The following KDM4B variants were observed in gnomAD, a reference collection of about 807,000 sequenced individuals.
KDM4B encodes the protein lysine-specific demethylase 4B.
KDM4B carries 32 observed loss-of-function variants against 125.2 expected under a neutral mutation model. That is an observed-to-expected ratio of 0.26 (90% CI 0.19 to 0.34). KDM4B has a LOEUF of 0.34. Among genes scored for constraint, KDM4B ranks in the 10% least tolerant of loss-of-function variants. The pLI is 1.00. For missense variants in KDM4B, 1,190 were observed against 1,577.7 expected, an observed-to-expected ratio of 0.75 and a Z score of 4.16; for synonymous variants, 721 against 677.9, an observed-to-expected ratio of 1.06 and a Z score of -0.99.
chr19:5,017,955 T>G (rs1293539505), intron 2 of KDM4B, among the ~76,000 whole-genome samples: 1 of 152,130 alleles, frequency 6.6e-6, no homozygotes, highest in African/African-American at 2.4e-5. Flanking sequence ...TTAGCCAGGA[T>G]GGTCTCCATT....
chr19:5,039,599 ACCC>A (rs1187003502), intron 3 of KDM4B, among the ~76,000 whole-genome samples: 1 of 152,112 alleles, frequency 6.6e-6, no homozygotes, highest in African/African-American at 2.4e-5. Flanking sequence ...GGGGTGCTGT[ACCC>A]AGCTTCCCAG....
chr19:5,143,219 A>T (rs1477030440), intron 18 of KDM4B, among the ~76,000 whole-genome samples: 1 of 151,810 alleles, frequency 6.6e-6, no homozygotes, highest in African/African-American at 2.4e-5. Context: ...GCTACTCAGG[A>T]GGCTGAGGTG....
chr19:5,138,217 A>C, intron 18 of KDM4B, 147 bp downstream of exon 18: 1 of 621,432 alleles, frequency 1.6e-6, no homozygotes, highest in Non-Finnish European at 2.8e-6. Context: ...GAAGCCAGTG[A>C]TCCCGACTTC....
chr19:5,077,421 C>T lies in KDM4B; in HGVS notation c.731C>T (p.Thr244Ile). ...GACGCCTTCCTGCGGCATAAGATGA[C>T]CCTCATCTCGCCCATCATCCTGAAG... ...GCDAFLRHKM[T>I]LISPIILKKY... The change falls in exon 8 of 23, where the codon ACC becomes ATC. Residue 244 changes from threonine to isoleucine, a missense_variant. Transcript: ENST00000159111. 6.2e-7 allele frequency: 1 copy of T among 1,613,430 alleles called. No homozygotes were observed. Among genetic ancestry groups the T allele is most frequent in the Non-Finnish European group, 8.5e-7 (1 of 1,180,016 alleles).
intron 6 of KDM4B, among the ~76,000 whole-genome samples, chr19:5,066,822 C>T (rs900408180): frequency 5.9e-5 from 9 of 152,296 alleles, no homozygotes; most frequent in African/African-American, 2.2e-4. Flanking sequence ...GACTTGTGTA[C>T]AGCATTCCAG....
At chr19:5,087,150 C>A (rs1031669217) in intron 9 of KDM4B, among the ~76,000 whole-genome samples, 1 of 152,258 alleles carries the variant, frequency 6.6e-6, no homozygotes, top group Non-Finnish European at 1.5e-5. Flanking sequence ...GCCTCATTCA[C>A]TCCCCATCAG....
At position 5,114,219 on chromosome 19, in the gene KDM4B, C is replaced by T; in HGVS notation, c.1115+3401C>T. The T allele has an allele frequency of 1.6e-6, 2 of 1,289,720 alleles. No individual in the cohort carries two copies. The highest frequency in any genetic ancestry group is 2.0e-6 in the Non-Finnish European group (2 of 988,834). The allele number at this position is 1,289,720 out of a possible 1,614,324, so 79.9% of individuals were successfully genotyped here. ...GAAGCGCCATGTGCACGTGCTCCAG[C>T]AGGTACGCGCTCCCTGCAGGACATC... On this transcript the variant is annotated intron_variant, in intron 10 of 22. Transcript: ENST00000159111. The surrounding 1 kb of genome is among the most constrained non-coding windows in gnomAD (Gnocchi z 5.8).
At chr19:5,011,419 G>A (rs1016574457) in intron 1 of KDM4B, among the ~76,000 whole-genome samples, 6 of 152,220 alleles carry the variant, frequency 3.9e-5, no homozygotes, top group African/African-American at 9.6e-5. Flanking sequence ...GTGCCAGAGC[G>A]TTCATGTCGT....
intron 1 of KDM4B, among the ~76,000 whole-genome samples, chr19:5,004,052 T>G (rs1483685013): frequency 6.6e-6 from 1 of 152,220 alleles, no homozygotes; most frequent in Non-Finnish European, 1.5e-5. Context: ...CATTTCTCTG[T>G]GTACTTTGGT....
At chr19:4,974,125 G>T in intron 1 of KDM4B, among the ~76,000 whole-genome samples, 1 of 151,764 alleles carries the variant, frequency 6.6e-6, no homozygotes, top group East Asian at 1.9e-4. Flanking sequence ...GTGGCCGGGC[G>T]CAGTGGCTCA....
intron 1 of KDM4B, among the ~76,000 whole-genome samples, chr19:5,015,836 G>A (rs990278358): frequency 6.6e-6 from 1 of 152,198 alleles, no homozygotes; most frequent in Admixed American, 6.5e-5. Flanking sequence ...CGCAGCCCCT[G>A]CCCCCCTCTC....
chr19:5,048,747 G>C (rs540808321), intron 6 of KDM4B, among the ~76,000 whole-genome samples: 1 of 152,390 alleles, frequency 6.6e-6, no homozygotes, highest in African/African-American at 2.4e-5. Context: ...CGTGTGACTT[G>C]GGGCAAAGCG....
chr19:4,978,020 G>A (rs1485369447), intron 1 of KDM4B, among the ~76,000 whole-genome samples: 2 of 152,154 alleles, frequency 1.3e-5, no homozygotes, highest in Admixed American at 6.5e-5. Context: ...TAGGCAGAGC[G>A]GGCCTCCTGT....
At chr19:5,045,807 G>A (rs1475683138) in intron 5 of KDM4B, among the ~76,000 whole-genome samples, 1 of 152,004 alleles carries the variant, frequency 6.6e-6, no homozygotes, top group Non-Finnish European at 1.5e-5. Context: ...ACGAGGTGTT[G>A]TCATGTTGGC....
intron 6 of KDM4B, among the ~76,000 whole-genome samples, chr19:5,049,264 G>A (rs1002454814): frequency 3.9e-5 from 6 of 152,066 alleles, no homozygotes; most frequent in South Asian, 2.1e-4. Flanking sequence ...AGGGCATCCC[G>A]CACCTCTCCC....
At position 5,116,235 on chromosome 19, in the gene KDM4B, TAAAAAAAAAAAAA is replaced by T. The variant is rs35940660; in HGVS notation, c.1116-3402_1116-3390del. ...GGGCAACATAGCAAGACCACATCTC[TAAAAAAAAAAAAA>T]AAAAAAAAAAAAAAATTATAAAGAA... is the stretch of plus-strand genomic sequence containing the variant. On this transcript the variant is annotated intron_variant, in intron 10 of 22. Transcript: ENST00000159111. 1.5e-4 allele frequency among the ~76,000 whole-genome samples: 6 copies of T among 40,390 alleles called. No homozygotes were observed. In the East Asian group the frequency reaches 3.8e-3, roughly 26 times the overall value. 26.5% of individuals were successfully genotyped at this position (40,390 alleles called of 152,430 possible).
Position 5,091,868 on chromosome 19 carries a change from G to A in KDM4B, c.918+9364G>A, listed in dbSNP as rs183175362. On this transcript the variant is annotated intron_variant, in intron 9 of 22. Coordinates refer to ENST00000159111, the MANE Select transcript of KDM4B (RefSeq NM_015015.3). The stretch of plus-strand genomic sequence containing the variant: ...TGCCTTTGGCTTCCTGCCTCAGTGA[G>A]CCTCTGATTTATGGCGTTGTGGGGC... Among the ~76,000 whole-genome samples the A allele has an allele frequency of 1.1e-3, 163 of 152,332 alleles. 1 individual carries two copies. Among genetic ancestry groups the A allele is most frequent in the African/African-American group, 3.8e-3 (156 of 41,574 alleles).
intron 8 of KDM4B, chr19:5,079,129 A>G (rs948232295): frequency 6.6e-6 from 1 of 152,252 alleles, no homozygotes; most frequent in African/African-American, 2.4e-5. Context: ...GCCGATCAAT[A>G]GCAGAGCTTT....
intron 13 of KDM4B, among the ~76,000 whole-genome samples, chr19:5,132,637 C>T (rs1268648799): frequency 6.6e-6 from 1 of 152,002 alleles, no homozygotes; most frequent in Non-Finnish European, 1.5e-5. Flanking sequence ...GACCAGGGGC[C>T]CCCGCGGGCT....
Sources: gnomAD v4.1 joint callset for allele counts (sites outside exome capture counted in the v4.1 genomes callset) on GRCh38, gnomAD v4.1.1 for gene constraint, Gnocchi (gnomAD v3.1) non-coding constraint, MANE v1.5 for transcripts, NCBI Gene and HGNC (gene_info 2026-07-23, HGNC 2026-07-21) for gene names.